Variants in TMEM132D observed in about 807,000 individuals in gnomAD.
TMEM132D encodes mature OL transmembrane protein.
A neutral mutation model predicts 62.3 loss-of-function variants in TMEM132D; 21 were observed. That is an observed-to-expected ratio of 0.34 (90% CI 0.24 to 0.49). TMEM132D has a LOEUF of 0.49. Ranked by LOEUF, TMEM132D falls within the 20% of genes least tolerant of loss-of-function variation. The pLI, the probability that TMEM132D is intolerant of heterozygous loss-of-function variation, is 0.99. For synonymous variants in TMEM132D, 621 were observed against 575.6 expected (o/e 1.08, Z -1.13); for missense variants, 1,346 against 1,402.8 (o/e 0.96, Z 0.65).
chr12:129,484,721 G>C (rs1424459563), intron 3 of TMEM132D, among the ~76,000 whole-genome samples: 1 of 152,130 alleles, frequency 6.6e-6, no homozygotes, highest in Non-Finnish European at 1.5e-5. Flanking sequence ...CTCATTTAAG[G>C]CATGCTCTCC....
In TMEM132D at chr12:129,073,753, A is replaced by G. The variant is rs544459164; in HGVS notation, c.*122T>C. The G allele has an allele frequency of 1.1e-6, 1 of 907,630 alleles. No homozygotes were observed. Among genetic ancestry groups the G allele is most frequent in the African/African-American group, 1.7e-5 (1 of 60,154 alleles). 56.2% of individuals were successfully genotyped at this position (907,630 alleles called of 1,614,324 possible). Reference sequence around the variant, plus strand: ...AGCCGGGGTCATTGGCTGAGGCTGTATGGATAGTGTCATCCTTATTTTGTC... The same window carrying G: ...AGCCGGGGTCATTGGCTGAGGCTGTGTGGATAGTGTCATCCTTATTTTGTC... On this transcript the variant is annotated 3_prime_UTR_variant, in exon 9 of 9. Transcript: ENST00000422113.
intron 4 of TMEM132D, among the ~76,000 whole-genome samples, chr12:129,242,900 G>C (rs981165589): frequency 1.1e-5 from 1 of 89,930 alleles, no homozygotes. Context: ...AAAACAACAG[G>C]CTTGAGGACG....
chr12:129,537,808 C>G (rs1438107435), intron 2 of TMEM132D, among the ~76,000 whole-genome samples: 1 of 152,204 alleles, frequency 6.6e-6, no homozygotes, highest in African/African-American at 2.4e-5. Context: ...GGGGTGTGGC[C>G]TCCACTGCAC....
At chr12:129,529,824 A>G (rs1379592752) in intron 3 of TMEM132D, among the ~76,000 whole-genome samples, 1 of 152,180 alleles carries the variant, frequency 6.6e-6, no homozygotes, top group Non-Finnish European at 1.5e-5. Flanking sequence ...ACAAAACACA[A>G]AAGAAATATT....
chr12:129,176,174 T>C (rs1400602381), intron 5 of TMEM132D, among the ~76,000 whole-genome samples: 2 of 152,232 alleles, frequency 1.3e-5, no homozygotes, highest in African/African-American at 2.4e-5. Flanking sequence ...AGGGAGACTG[T>C]CAGGAGGAGA....
chr12:129,728,695 G>A (rs1299305408), intron 1 of TMEM132D, among the ~76,000 whole-genome samples: 1 of 152,166 alleles, frequency 6.6e-6, no homozygotes, highest in Non-Finnish European at 1.5e-5. Context: ...ACCTTCTAAT[G>A]ATTAAACCCC....
At chr12:129,320,685 T>A (rs1868670375) in intron 4 of TMEM132D, among the ~76,000 whole-genome samples, 1 of 152,176 alleles carries the variant, frequency 6.6e-6, no homozygotes, top group Non-Finnish European at 1.5e-5. Context: ...AAGATTACCA[T>A]CTACAGTATA....
At chr12:129,884,733 C>T (rs1395383876) in intron 1 of TMEM132D, among the ~76,000 whole-genome samples, 1 of 152,232 alleles carries the variant, frequency 6.6e-6, no homozygotes, top group Non-Finnish European at 1.5e-5. Flanking sequence ...TAAACACACA[C>T]ATCTCATGTG....
intron 3 of TMEM132D, among the ~76,000 whole-genome samples, chr12:129,444,523 TG>T (rs1454184549): frequency 1.3e-5 from 2 of 152,196 alleles, no homozygotes; most frequent in African/African-American, 2.4e-5. Context: ...TAGGTAAATG[TG>T]TGCCATGGTG....
intron 3 of TMEM132D, among the ~76,000 whole-genome samples, chr12:129,416,123 T>C (rs540424214): frequency 1.3e-5 from 2 of 152,352 alleles, no homozygotes; most frequent in East Asian, 3.9e-4. Context: ...GGGAATAGCA[T>C]TGAATCTATA....
intron 5 of TMEM132D, among the ~76,000 whole-genome samples, chr12:129,105,065 A>G (rs1278724955): frequency 2.5e-5 from 3 of 121,928 alleles, no homozygotes; most frequent in Non-Finnish European, 5.1e-5. Flanking sequence ...AGGACTATAA[A>G]TCATGCTGCT....
chr12:129,839,317 G>A (rs1448563857), intron 1 of TMEM132D, among the ~76,000 whole-genome samples: 4 of 151,180 alleles, frequency 2.6e-5, no homozygotes, highest in African/African-American at 9.7e-5. Flanking sequence ...TAGTAAAAAC[G>A]GGGTTTCACT....
At chr12:129,276,688 G>T (rs1418468007) in intron 4 of TMEM132D, among the ~76,000 whole-genome samples, 2 of 152,162 alleles carry the variant, frequency 1.3e-5, no homozygotes, top group African/African-American at 4.8e-5. Context: ...CACTTACGCC[G>T]ATAGTTTTAA....
intron 1 of TMEM132D, among the ~76,000 whole-genome samples, chr12:129,859,887 T>C (rs1465162284): frequency 6.6e-6 from 1 of 152,184 alleles, no homozygotes; most frequent in Non-Finnish European, 1.5e-5. Context: ...GCTTCCTTGC[T>C]CCTCAGCTTG....
intron 2 of TMEM132D, among the ~76,000 whole-genome samples, chr12:129,697,889 A>G (rs1434889699): frequency 6.6e-6 from 1 of 151,414 alleles, no homozygotes; most frequent in Non-Finnish European, 1.5e-5. Context: ...TCAGTGCTAC[A>G]CACATCACTG....
At chr12:129,673,124 C>T (rs1330524752) in intron 2 of TMEM132D, among the ~76,000 whole-genome samples, 1 of 152,186 alleles carries the variant, frequency 6.6e-6, no homozygotes, top group Non-Finnish European at 1.5e-5. Flanking sequence ...TTTCATTACC[C>T]CCAAAACTCT....
chr12:129,362,260 GAT>G (rs1361189788), intron 3 of TMEM132D, among the ~76,000 whole-genome samples: 1 of 151,992 alleles, frequency 6.6e-6, no homozygotes, highest in Non-Finnish European at 1.5e-5. Flanking sequence ...GTCTTTCATG[GAT>G]ACCTATTAAT....
chr12:129,853,790 C>T (rs1336644949), intron 1 of TMEM132D: 3 of 152,092 alleles, frequency 2.0e-5, no homozygotes, highest in African/African-American at 7.2e-5. Context: ...TTGCATCTTC[C>T]AGGGAGTGGA....
chr12:129,632,785 G>A (rs1879381111), intron 2 of TMEM132D, among the ~76,000 whole-genome samples: 1 of 152,256 alleles, frequency 6.6e-6, no homozygotes, highest in South Asian at 2.1e-4. Flanking sequence ...GTCTCCTGCA[G>A]TATGGACCCC....
Sources: gnomAD v4.1 joint callset for allele counts (sites outside exome capture counted in the v4.1 genomes callset) on GRCh38, gnomAD v4.1.1 for gene constraint, MANE v1.5 for transcripts, NCBI Gene and HGNC (gene_info 2026-07-23, HGNC 2026-07-21) for gene names.